Variants in ADRM1 observed in about 807,000 individuals in gnomAD.
ADRM1 encodes proteasomal ubiquitin receptor ADRM1.
A neutral mutation model predicts 40.1 loss-of-function variants in ADRM1; 2 were observed. The ratio of observed to expected loss-of-function variants is 0.05; its 90% CI spans 0.02 to 0.16. The LOEUF is 0.16. ADRM1 is among the 10% of genes least tolerant of loss of function. The pLI, the probability that ADRM1 is intolerant of heterozygous loss-of-function variation, is 1.00. For missense variants in ADRM1, 467 were observed against 552.5 expected (o/e 0.85, Z 1.55); for synonymous variants, 287 against 240.4 (o/e 1.19, Z -1.79).
At chr20:62,306,834 T>C (rs147270206) in intron 5 of ADRM1, 100 bp downstream of exon 5, 311 of 1,171,464 alleles carry the variant, frequency 2.7e-4, no homozygotes, top group Non-Finnish European at 3.4e-4. Flanking sequence ...GTCTGCGTAG[T>C]GTCGGGGAGC....
At chr20:62,304,657 G>C in intron 3 of ADRM1, 80 bp downstream of exon 3, 2 of 1,433,220 alleles carry the variant, frequency 1.4e-6, no homozygotes, top group East Asian at 4.6e-5. Context: ...TGGTGCAATT[G>C]GCTTTTATAA....
chr20:62,305,995 G>A lies in ADRM1; in HGVS notation c.331-202G>A, dbSNP rs1001366858. 8 of 620,360 alleles carry A rather than the reference G, an allele frequency of 1.3e-5. No homozygotes were observed. In the African/African-American group the frequency reaches 1.5e-4, roughly 11 times the overall value. The allele number at this position is 620,360 out of a possible 1,614,324, so 38.4% of individuals were successfully genotyped here. On this transcript the variant is annotated intron_variant, in intron 3 of 9. Coordinates refer to ENST00000253003, the MANE Select transcript of ADRM1 (RefSeq NM_007002.4). ...CCGGGATTGCGGCGGATGGGGACAG[G>A]GCGCAGAGCATCGTGCTCAGGAGGC...
In ADRM1 at chr20:62,308,475, GTGGC is replaced by G; in HGVS notation, c.1117+8_1117+11del. On this transcript the variant is annotated splice_donor_region_variant and intron_variant, in intron 9 of 9. Transcript: ENST00000253003. ...TGGAGGCCGCCAACAAGGGCGGTAA[GTGGC>G]TGCGCCTGCACCTCCAGGCCAGAGC... 1.3e-6 allele frequency: 2 copies of G among 1,596,056 alleles called. No individual in the cohort carries two copies. Among genetic ancestry groups the G allele is most frequent in the Non-Finnish European group, 1.7e-6 (2 of 1,172,718 alleles).
chr20:62,303,250 C>T lies in ADRM1; in HGVS notation c.-2+201C>T, dbSNP rs1043165536. The stretch of plus-strand genomic sequence containing the variant: ...CGCCTGCGGCTCTGAACGTGGGGCT[C>T]GGCGGGAGCTCGGGCGGGTCTGCCC... On this transcript the variant is annotated intron_variant, in intron 1 of 9. Transcript: ENST00000253003. 52 of 207,426 alleles carry T rather than the reference C, an allele frequency of 2.5e-4. No homozygotes were observed. The East Asian group carries it at 4.3e-3, about 17-fold the overall frequency. 12.8% of individuals were successfully genotyped at this position (207,426 alleles called of 1,614,324 possible). A position where few individuals can be genotyped will look rare whatever the true frequency, so the allele number is the denominator to read the frequency against.
At chr20:62,304,276 C>G (rs1455042143) in intron 2 of ADRM1, 185 bp from the exon 3 acceptor site, 8 of 586,178 alleles carry the variant, frequency 1.4e-5, no homozygotes, top group Non-Finnish European at 2.4e-5. Flanking sequence ...CCGGCCTTGC[C>G]TTTCATGGGC....
chr20:62,304,614 C>A (rs746384685), intron 3 of ADRM1, 37 bp downstream of exon 3: 1 of 1,589,154 alleles, frequency 6.3e-7, no homozygotes, highest in Non-Finnish European at 8.6e-7. Flanking sequence ...CTTTTTGTTG[C>A]CCTGCGATTC....
intron 2 of ADRM1, among the ~76,000 whole-genome samples, 176 bp downstream of exon 2, chr20:62,303,957 CTG>C (rs1984505201): frequency 6.6e-6 from 1 of 152,122 alleles, no homozygotes. Context: ...ATCTCGGCCA[CTG>C]TGTATCTTGA....
rs1185945643 is a variant in ADRM1, at chr20:62,307,672, CCAGCAGCTGCCT to C, written c.706_717del (p.Ala236_Ala239del). On this transcript the variant is annotated inframe_deletion, in exon 7 of 10. Transcript: ENST00000253003. ...CCGTGCCACCCCAGCCCCTTCTGCT[CCAGCAGCTGCCT>C]CAGCAACTAGCCCGAGCCCCGCGCC... The C allele has an allele frequency of 1.2e-6, 2 of 1,612,274 alleles. No individual in the cohort carries two copies. Among genetic ancestry groups the C allele is most frequent in the Admixed American group, 1.7e-5 (1 of 60,010 alleles).
At chr20:62,304,130 T>C (rs777722741) in intron 2 of ADRM1, 79 of 478,330 alleles carry the variant, frequency 1.7e-4, no homozygotes, top group Non-Finnish European at 2.5e-4. Flanking sequence ...TTCTTTGTTT[T>C]TCAAACTCTT....
chr20:62,307,318 C>CT (rs1459254311), intron 5 of ADRM1, 53 bp from the exon 6 acceptor site: 1 of 1,541,402 alleles, frequency 6.5e-7, no homozygotes, highest in Non-Finnish European at 8.7e-7. Context: ...GGGCCAGGCT[C>CT]TTTCTGGTGG....
rs1319450975 is a variant in ADRM1 at position 62,308,356 on chromosome 20, C to G, written c.1015-12C>G. On this transcript the variant is annotated splice_polypyrimidine_tract_variant and intron_variant, in intron 8 of 9. Transcript: ENST00000253003. ...GGGTTGGAGCTCAGCCCTCGCCTGG[C>G]TCTTCTTGCAGGCCCTGGGCATGTT... 1.9e-6 allele frequency: 3 copies of G among 1,591,528 alleles called. No homozygotes were observed. The highest frequency in any genetic ancestry group is 2.6e-6 in the Non-Finnish European group (3 of 1,170,280).
In ADRM1 at chr20:62,306,753, G is replaced by T; in HGVS notation, c.541+19G>T. The T allele has an allele frequency of 6.3e-7, 1 of 1,584,932 alleles. No individual in the cohort carries two copies. The highest frequency in any genetic ancestry group is 8.6e-7 in the Non-Finnish European group (1 of 1,163,938). On this transcript the variant is annotated intron_variant, in intron 5 of 9. Coordinates refer to ENST00000253003, the MANE Select transcript of ADRM1 (RefSeq NM_007002.4). ...GGACTGGGTAACGTGCGCCACCCGG[G>T]CTCTCGGGCAGCTTCTGCTGGGAAT...
chr20:62,305,557 T>C (rs1317508849), intron 3 of ADRM1: 1 of 152,134 alleles, frequency 6.6e-6, no homozygotes, highest in African/African-American at 2.4e-5. Context: ...CCATCTCCCT[T>C]TTTTCCCCGA....
In ADRM1 at chr20:62,303,664, C is replaced by T; in HGVS notation, c.96C>T (p.Ser32=). The change falls in exon 2 of 10, where the codon TCC becomes TCT. Residue 32 remains serine, a synonymous_variant. Coordinates refer to ENST00000253003, the MANE Select transcript of ADRM1 (RefSeq NM_007002.4). ...TGGAGTTTCGGGCGGGAAAGATGTC[C>T]CTGAAGGGGACCACCGTGACTCCGG... is the stretch of plus-strand genomic sequence containing the variant. ...YLVEFRAGKM[S]LKGTTVTPDK... 2 of 1,612,324 alleles carry T rather than the reference C, an allele frequency of 1.2e-6. No homozygotes were observed. The highest frequency in any genetic ancestry group is 1.7e-6 in the Non-Finnish European group (2 of 1,179,968).
chr20:62,303,718 G>A lies in ADRM1; in HGVS notation c.150G>A (p.Gln50=), dbSNP rs147510711. The part of the protein sequence containing the change: ...PDKRKGLVYI[Q]QTDDSLIHFC... Reference sequence around the variant, plus strand: ...AGCGGAAAGGGCTGGTGTACATTCAGCAGACGGACGACTCGCTTATTCACT... The same window carrying A: ...AGCGGAAAGGGCTGGTGTACATTCAACAGACGGACGACTCGCTTATTCACT... Residue 50 remains glutamine, a synonymous_variant, in exon 2 of 10, where the codon CAG becomes CAA. Coordinates refer to ENST00000253003, the MANE Select transcript of ADRM1 (RefSeq NM_007002.4). 51 of 1,612,386 alleles carry A rather than the reference G, an allele frequency of 3.2e-5. No homozygotes were observed. The African/African-American group carries it at 5.7e-4, about 18-fold the overall frequency.
chr20:62,306,615 GGGC>G, intron 4 of ADRM1, 30 bp from the exon 5 acceptor site: 1 of 1,578,184 alleles, frequency 6.3e-7, no homozygotes, highest in Non-Finnish European at 8.6e-7. Flanking sequence ...GATCTGGCTG[GGGC>G]AGGCCCGCCT....
intron 8 of ADRM1, 73 bp downstream of exon 8, chr20:62,308,251 C>T (rs1021732925): frequency 1.9e-6 from 3 of 1,542,046 alleles, no homozygotes; most frequent in African/African-American, 1.4e-5. Flanking sequence ...AGGCCCTGCC[C>T]CACCTTCACC....
intron 3 of ADRM1, 112 bp from the exon 4 acceptor site, chr20:62,306,085 A>G (rs1984907388): frequency 8.3e-6 from 12 of 1,437,408 alleles, no homozygotes; most frequent in African/African-American, 1.4e-5. Context: ...GGCCAGGCAC[A>G]CGCGCCTCTG....
intron 5 of ADRM1, 74 bp downstream of exon 5, chr20:62,306,808 A>G (rs925661096): frequency 7.3e-6 from 10 of 1,366,908 alleles, no homozygotes; most frequent in African/African-American, 1.4e-5. Context: ...GTTTCCTTTA[A>G]ACTTCTGCTG....
Sources: gnomAD v4.1 joint callset for allele counts (sites outside exome capture counted in the v4.1 genomes callset) on GRCh38, gnomAD v4.1.1 for gene constraint, MANE v1.5 for transcripts, NCBI Gene and HGNC (gene_info 2026-07-23, HGNC 2026-07-21) for gene names.